Variants in LIG1 observed in about 807,000 individuals in gnomAD.
LIG1 encodes the protein DNA ligase 1.
LIG1 carries 70 observed loss-of-function variants against 115.7 expected under a neutral mutation model. That is an observed-to-expected ratio of 0.60 (90% CI 0.50 to 0.74). The LOEUF (loss-of-function observed/expected upper bound fraction) is 0.74. LIG1 is among the 30% of genes least tolerant of loss of function. The pLI, the probability that LIG1 is intolerant of heterozygous loss-of-function variation, is 0.00. For missense variants in LIG1, 1,115 were observed against 1,225.6 expected, an observed-to-expected ratio of 0.91 and a Z score of 1.35; for synonymous variants, 487 against 495.3, an observed-to-expected ratio of 0.98 and a Z score of 0.22.
At position 48,157,088 on chromosome 19, in the gene LIG1, G is replaced by C. The variant is rs369809477; in HGVS notation, c.296C>G (p.Pro99Arg). The change falls in exon 5 of 28, where the codon CCT becomes CGT. Residue 99 changes from proline to arginine, a missense_variant. Coordinates refer to ENST00000263274, the MANE Select transcript of LIG1 (RefSeq NM_000234.3). ...GTCAGAGAGGGAAGCATTGTTCTCAGGAGATGTGGCAGGACGGGGCGGGGA... is the reference window on the plus strand; with the variant it reads ...GTCAGAGAGGGAAGCATTGTTCTCACGAGATGTGGCAGGACGGGGCGGGGA... The part of the protein sequence containing the change: ...QVSPPRPATS[P>R]ENNASLSDTS... 5.0e-6 allele frequency: 8 copies of C among 1,613,766 alleles called. No individual in the cohort carries two copies. The African/African-American group carries it at 1.1e-4, about 22-fold the overall frequency.
chr19:48,136,151 G>T, intron 14 of LIG1, 26 bp from the exon 15 acceptor site: 1 of 1,534,030 alleles, frequency 6.5e-7, no homozygotes, highest in Non-Finnish European at 8.8e-7. Context: ...GCCAGGGAAG[G>T]GGGCTTGTCT....
At position 48,133,456 on chromosome 19, in the gene LIG1, G is replaced by T. The variant is rs3730983; in HGVS notation, c.1610-359C>A. On this transcript the variant is annotated intron_variant, in intron 17 of 27. Transcript: ENST00000263274. ...ACATTGGGGTGACAACCTTTGGAGG[G>T]CAGAGGGACACAGGAACCTGGGTCC... The T allele has an allele frequency of 8.0e-4, 266 of 332,342 alleles. 5 individuals carry two copies. The highest frequency in any genetic ancestry group is 7.8e-3 in the South Asian group (263 of 33,506). 20.6% of individuals were successfully genotyped at this position (332,342 alleles called of 1,614,324 possible). A position where few individuals can be genotyped will look rare whatever the true frequency, so the allele number is the denominator to read the frequency against.
At chr19:48,156,262 T>C (rs2035828926) in intron 5 of LIG1, among the ~76,000 whole-genome samples, 1 of 151,936 alleles carries the variant, frequency 6.6e-6, no homozygotes, top group Admixed American at 6.6e-5. Flanking sequence ...CTCTTCTTTG[T>C]CCTAAAGGGC....
chr19:48,125,052 A>C (rs189802596), intron 21 of LIG1, among the ~76,000 whole-genome samples: 221 of 152,252 alleles, frequency 1.5e-3, no homozygotes, highest in African/African-American at 5.1e-3. Context: ...CACATTAAAC[A>C]GAAAAAAAAT....
At chr19:48,151,166 C>T in intron 7 of LIG1, 66 bp downstream of exon 7, 1 of 905,614 alleles carries the variant, frequency 1.1e-6, no homozygotes, top group Non-Finnish European at 1.8e-6. Context: ...ATTAATCATC[C>T]TCCAAAGACT....
rs1482866935 is a variant in LIG1, at chr19:48,157,682, T to C, written c.244-542A>G. Among the ~76,000 whole-genome samples, 3 of 152,192 alleles carry C rather than the reference T, an allele frequency of 2.0e-5. No individual in the cohort carries two copies. In the South Asian group the frequency reaches 6.2e-4, roughly 32 times the overall value. ...GCCTCAGCCTCCCGAGCAACTGGGATAACAGGCGCCCGCCACCACGCCCAG... is the reference window on the plus strand; with the variant it reads ...GCCTCAGCCTCCCGAGCAACTGGGACAACAGGCGCCCGCCACCACGCCCAG... On this transcript the variant is annotated intron_variant, in intron 4 of 27. Transcript: ENST00000263274.
chr19:48,154,287 G>A, intron 5 of LIG1: 1 of 369,824 alleles, frequency 2.7e-6, no homozygotes, highest in East Asian at 6.8e-5. Flanking sequence ...GCTCCCCACT[G>A]CTCCCCTCAG....
intron 6 of LIG1, among the ~76,000 whole-genome samples, chr19:48,152,129 TC>T (rs1227781559): frequency 6.6e-6 from 1 of 151,878 alleles, no homozygotes; most frequent in Non-Finnish European, 1.5e-5. Flanking sequence ...AGAAATCAAA[TC>T]TTTTTTTTTT....
At chr19:48,126,863 C>G (rs2033703203) in intron 21 of LIG1, among the ~76,000 whole-genome samples, 1 of 151,814 alleles carries the variant, frequency 6.6e-6, no homozygotes, top group South Asian at 2.1e-4. Context: ...CAGGCGTGAA[C>G]CACAGTGCCT....
Position 48,133,112 on chromosome 19 carries a change from G to A in LIG1, c.1610-15C>T, listed in dbSNP as rs1207956210. Reference sequence around the variant, plus strand: ...CAGGGGAATCCCTGGGAAAGGAGGAGAGTGAGTTAGAGGAGAGGGAAGGCA... The same window carrying A: ...CAGGGGAATCCCTGGGAAAGGAGGAAAGTGAGTTAGAGGAGAGGGAAGGCA... On this transcript the variant is annotated splice_polypyrimidine_tract_variant and intron_variant, in intron 17 of 27. Coordinates refer to ENST00000263274, the MANE Select transcript of LIG1 (RefSeq NM_000234.3). 4 of 1,518,018 alleles carry A rather than the reference G, an allele frequency of 2.6e-6. No individual in the cohort carries two copies. The highest frequency in any genetic ancestry group is 1.8e-6 in the Non-Finnish European group (2 of 1,092,614). 94.0% of individuals were successfully genotyped at this position (1,518,018 alleles called of 1,614,324 possible).
chr19:48,135,385 G>A (rs1373765994), intron 16 of LIG1, among the ~76,000 whole-genome samples: 41 of 152,190 alleles, frequency 2.7e-4, no homozygotes, highest in Non-Finnish European at 2.6e-4. Context: ...AGGCTCCCAA[G>A]TGCTGGGATT....
intron 9 of LIG1, among the ~76,000 whole-genome samples, chr19:48,145,147 C>T (rs1301370348): frequency 6.6e-6 from 1 of 152,210 alleles, no homozygotes; most frequent in Non-Finnish European, 1.5e-5. Context: ...GATCCTCCCA[C>T]CTCGACCTCC....
intron 19 of LIG1, 52 bp downstream of exon 19, chr19:48,131,024 G>T: frequency 6.8e-7 from 1 of 1,464,564 alleles, no homozygotes. Context: ...TCAGGCCTTT[G>T]CACCCCTGAC....
At chr19:48,129,321 G>A (rs2033869157) in intron 19 of LIG1, among the ~76,000 whole-genome samples, 1 of 152,346 alleles carries the variant, frequency 6.6e-6, no homozygotes, top group African/African-American at 2.4e-5. Context: ...AAAGTGCTGG[G>A]ATTACAGGAG....
chr19:48,123,432 G>T, intron 21 of LIG1, 114 bp from the exon 22 acceptor site: 1 of 1,270,242 alleles, frequency 7.9e-7, no homozygotes. Flanking sequence ...GACAGGGTTC[G>T]TGGAAAGCCT....
Position 48,138,921 on chromosome 19 carries a change from C to T in LIG1, c.1087+1050G>A, listed in dbSNP as rs2034567096. On this transcript the variant is annotated intron_variant, in intron 12 of 27. Transcript: ENST00000263274. ...AGTGAGAAAATCTTGAGTCTCATCT[C>T]CTCTGGCTCCCATAAGCCCGTAACT... is the stretch of plus-strand genomic sequence containing the variant. Among the ~76,000 whole-genome samples, 3 of 152,308 alleles carry T rather than the reference C, an allele frequency of 2.0e-5. No individual in the cohort carries two copies. The South Asian group carries it at 6.2e-4, about 32-fold the overall frequency.
chr19:48,165,893 C>A, intron 1 of LIG1: 1 of 426,308 alleles, frequency 2.3e-6, no homozygotes, highest in South Asian at 2.8e-5. Flanking sequence ...AGACTGAGGA[C>A]CTGAAATGGG....
chr19:48,142,062 G>A (rs544511323), intron 11 of LIG1, among the ~76,000 whole-genome samples: 2 of 152,326 alleles, frequency 1.3e-5, no homozygotes, highest in South Asian at 4.1e-4. Flanking sequence ...AGCATTTTGG[G>A]AGGCCGAGGC....
intron 19 of LIG1, 47 bp downstream of exon 19, chr19:48,131,029 C>T: frequency 3.3e-6 from 5 of 1,526,108 alleles, no homozygotes; most frequent in Non-Finnish European, 4.5e-6. Flanking sequence ...CCTTTGCACC[C>T]CTGACCACAG....
Sources: gnomAD v4.1 joint callset for allele counts (sites outside exome capture counted in the v4.1 genomes callset) on GRCh38, gnomAD v4.1.1 for gene constraint, MANE v1.5 for transcripts, NCBI Gene and HGNC (gene_info 2026-07-23, HGNC 2026-07-21) for gene names.